Variants in EHMT1 observed in about 807,000 individuals in gnomAD.
The protein encoded by EHMT1 is euchromatic histone lysine methyltransferase 1.
In EHMT1, 15 loss-of-function variants were observed where a neutral mutation model predicts 147.2. The ratio of observed to expected loss-of-function variants is 0.10; its 90% CI spans 0.07 to 0.16. EHMT1 has a LOEUF of 0.16. EHMT1 is among the 10% of genes least tolerant of loss of function. The pLI is 1.00. For missense variants in EHMT1, 1,587 were observed against 1,772.4 expected (o/e 0.90, Z 1.88); for synonymous variants, 795 against 709.6 (o/e 1.12, Z -1.91).
At chr9:137,763,164 A>G in intron 10 of EHMT1, 1 of 441,672 alleles carries the variant, frequency 2.3e-6, no homozygotes, top group South Asian at 2.3e-5. Flanking sequence ...CACCAAGGTG[A>G]GTCCAGAACT....
intron 6 of EHMT1, chr9:137,745,328 T>G (rs531526165): frequency 2.4e-4 from 92 of 383,626 alleles, no homozygotes; most frequent in South Asian, 2.0e-3. Context: ...TTAGCATGTT[T>G]TAGGGCAAAT....
Position 137,782,949 on chromosome 9 carries a change from C to T in EHMT1, c.2382+552C>T, listed in dbSNP as rs572362134. ...CACGACGCTGTTTGTCCCCCTGTGA[C>T]GCCCCTTCCCTGATCCCGGTGTTGG... is the stretch of plus-strand genomic sequence containing the variant. On this transcript the variant is annotated intron_variant, in intron 15 of 26. Coordinates refer to ENST00000460843, the MANE Select transcript of EHMT1 (RefSeq NM_024757.5). This position sits in a 1 kb window ranked among gnomAD's most constrained non-coding sequence, Gnocchi z 5.7. Among the ~76,000 whole-genome samples the T allele has an allele frequency of 1.6e-4, 25 of 152,194 alleles. No homozygotes were observed. Among genetic ancestry groups the T allele is most frequent in the Non-Finnish European group, 2.8e-4 (19 of 68,036 alleles).
intron 15 of EHMT1, among the ~76,000 whole-genome samples, chr9:137,783,609 CG>C (rs1203589992): frequency 1.3e-5 from 2 of 152,316 alleles, no homozygotes; most frequent in East Asian, 3.9e-4. Flanking sequence ...TCTTGCTTGC[CG>C]GGGGCTTGTC....
chr9:137,708,435 C>T (rs3125785), intron 1 of EHMT1, among the ~76,000 whole-genome samples: 15,548 of 152,246 alleles, frequency 0.1, 879 homozygotes, highest in Middle Eastern at 0.2. Flanking sequence ...ATCTTGGATG[C>T]ATCTTTGTCC....
intron 1 of EHMT1, among the ~76,000 whole-genome samples, chr9:137,674,345 A>G (rs1004901257): frequency 3.3e-5 from 5 of 152,210 alleles, no homozygotes; most frequent in Admixed American, 6.5e-5. Context: ...ACTGGCATCT[A>G]TCAAAGAGCA....
At chr9:137,668,232 G>A (rs1589173434) in intron 1 of EHMT1, among the ~76,000 whole-genome samples, 1 of 152,246 alleles carries the variant, frequency 6.6e-6, no homozygotes, top group East Asian at 1.9e-4. Context: ...CCTGGGACTT[G>A]CAGGATCCTG....
At chr9:137,820,908 C>T (rs1279351039) in intron 25 of EHMT1, among the ~76,000 whole-genome samples, 1 of 152,190 alleles carries the variant, frequency 6.6e-6, no homozygotes, top group African/African-American at 2.4e-5. Context: ...GACGGAGTCT[C>T]GCTCTGTCAC....
chr9:137,727,879 G>A (rs1588407757), intron 3 of EHMT1, among the ~76,000 whole-genome samples: 6 of 152,232 alleles, frequency 3.9e-5, no homozygotes, highest in Admixed American at 3.9e-4. Flanking sequence ...TGCCATTTGG[G>A]GATGTTGCAA....
intron 1 of EHMT1, among the ~76,000 whole-genome samples, chr9:137,695,262 C>T (rs986206821): frequency 2.0e-5 from 3 of 152,182 alleles, no homozygotes; most frequent in African/African-American, 7.2e-5. Flanking sequence ...CCTGAGGGTA[C>T]AGACTACAGC....
intron 1 of EHMT1, among the ~76,000 whole-genome samples, chr9:137,690,757 TTGG>T (rs2134852172): frequency 6.6e-6 from 1 of 152,268 alleles, no homozygotes; most frequent in South Asian, 2.1e-4. Flanking sequence ...CATTCCCGTG[TTGG>T]TGGTCATTGT....
At chr9:137,766,679 A>G (rs1275214540) in intron 10 of EHMT1, among the ~76,000 whole-genome samples, 3 of 152,216 alleles carry the variant, frequency 2.0e-5, no homozygotes, top group East Asian at 3.8e-4. Flanking sequence ...TGATATTAAC[A>G]TAGCTACTCA....
chr9:137,739,368 A>AG (rs994723645), intron 4 of EHMT1, among the ~76,000 whole-genome samples: 3 of 152,144 alleles, frequency 2.0e-5, no homozygotes, highest in African/African-American at 7.2e-5. Context: ...AAAAAAAAAA[A>AG]AAAGAAAGAA....
At chr9:137,751,284 A>G (rs766350482) in intron 6 of EHMT1, among the ~76,000 whole-genome samples, 1 of 152,218 alleles carries the variant, frequency 6.6e-6, no homozygotes, top group Non-Finnish European at 1.5e-5. Flanking sequence ...GATAAAATTC[A>G]AAAGTTTTAT....
At chr9:137,714,886 T>G (rs1945072554) in intron 2 of EHMT1, among the ~76,000 whole-genome samples, 1 of 152,166 alleles carries the variant, frequency 6.6e-6, no homozygotes, top group Non-Finnish European at 1.5e-5. Context: ...AGCTTTGTAA[T>G]GTCATCCATT....
intron 1 of EHMT1, among the ~76,000 whole-genome samples, chr9:137,704,990 A>G (rs979997089): frequency 2.1e-5 from 2 of 94,856 alleles, no homozygotes; most frequent in African/African-American, 8.6e-5. Context: ...TTCCTTTTCC[A>G]TTTTCTTTTC....
chr9:137,656,094 A>G (rs1250752473), intron 1 of EHMT1, among the ~76,000 whole-genome samples: 1 of 152,172 alleles, frequency 6.6e-6, no homozygotes. Flanking sequence ...AAATGTGTAC[A>G]TATGGCTGGG....
chr9:137,814,251 G>T, intron 21 of EHMT1, 180 bp from the exon 22 acceptor site: 1 of 698,374 alleles, frequency 1.4e-6, no homozygotes, highest in Admixed American at 2.1e-5. Context: ...CCTCCCACAG[G>T]CACTCGACAT....
intron 4 of EHMT1, among the ~76,000 whole-genome samples, chr9:137,735,881 A>T (rs943466281): frequency 6.6e-6 from 1 of 152,066 alleles, no homozygotes; most frequent in African/African-American, 2.4e-5. Context: ...TCCCTTTCCA[A>T]TTTCCACCAT....
chr9:137,629,615 G>A (rs534245553), intron 1 of EHMT1, among the ~76,000 whole-genome samples: 2 of 151,912 alleles, frequency 1.3e-5, no homozygotes, highest in South Asian at 2.1e-4. Context: ...GGATGGTCTC[G>A]CTCTCCTGAC....
Sources: gnomAD v4.1 joint callset for allele counts (sites outside exome capture counted in the v4.1 genomes callset) on GRCh38, gnomAD v4.1.1 for gene constraint, Gnocchi (gnomAD v3.1) non-coding constraint, MANE v1.5 for transcripts, NCBI Gene and HGNC (gene_info 2026-07-23, HGNC 2026-07-21) for gene names.